SLC25A18: variants seen among roughly 807,000 people sequenced by gnomAD.
The protein encoded by SLC25A18 is solute carrier family 25 member 18, also known as mitochondrial glutamate carrier 2.
Under a neutral mutation model 31.1 loss-of-function variants are expected in SLC25A18, and 24 were observed. That is an observed-to-expected ratio of 0.77 (90% confidence interval 0.56 to 1.08). The LOEUF (loss-of-function observed/expected upper bound fraction) is 1.08. SLC25A18 is among the 50% of genes least tolerant of loss of function. The probability of loss-of-function intolerance (pLI) is 0.00; values close to 1 mark genes in which losing one functional copy is unlikely to be tolerated. For synonymous variants in SLC25A18, 173 were observed against 161.9 expected (o/e 1.07, Z -0.52); for missense variants, 371 against 418.5 (o/e 0.89, Z 0.99).
chr22:17,568,748 A>C (rs1446207738), intron 1 of SLC25A18, among the ~76,000 whole-genome samples: 1 of 150,976 alleles, frequency 6.6e-6, no homozygotes, highest in African/African-American at 2.4e-5. Context: ...TTTTTAGTAG[A>C]AACAGGGTTT....
intron 10 of SLC25A18, 60 bp from the exon 11 acceptor site, chr22:17,590,035 C>CT (rs2057674648): frequency 1.2e-6 from 2 of 1,605,068 alleles, no homozygotes; most frequent in Admixed American, 3.4e-5. Context: ...GAGGCTGCCA[C>CT]TGAGGGCTGC....
chr22:17,584,781 C>CAAAAAAAAAAA lies in SLC25A18; in HGVS notation c.409+1264_409+1274dup. On this transcript the variant is annotated intron_variant, in intron 7 of 10. Transcript: ENST00000327451. ...GGAGGACAAAAGCGAGAATTCATCT[C>CAAAAAAAAAAA]AAAAAAAAAAAAAAAAAAAAAAAAA... Among the ~76,000 whole-genome samples, 85 of 20,042 alleles carry CAAAAAAAAAAA rather than the reference C, an allele frequency of 4.2e-3. 2 individuals are homozygous for CAAAAAAAAAAA. The highest frequency in any genetic ancestry group is 5.6e-3 in the African/African-American group (41 of 7,358). 13.1% of individuals were successfully genotyped at this position (20,042 alleles called of 152,430 possible).
At position 17,583,291 on chromosome 22, in the gene SLC25A18, T is replaced by C. The variant is rs538627288; in HGVS notation, c.291-125T>C. On this transcript the variant is annotated intron_variant, in intron 6 of 10. Coordinates refer to ENST00000327451, the MANE Select transcript of SLC25A18 (RefSeq NM_031481.3). ...CACACCTAAGGGCTAGCTGATGACT[T>C]GACCAGCTGGGTGAGTGGCAGCCAC... is the stretch of plus-strand genomic sequence containing the variant. 11 of 1,216,766 alleles carry C rather than the reference T, an allele frequency of 9.0e-6. No homozygotes were observed. The South Asian group carries it at 9.4e-5, about 10-fold the overall frequency. 75.4% of individuals were successfully genotyped at this position (1,216,766 alleles called of 1,614,324 possible). A position where few individuals can be genotyped will look rare whatever the true frequency, so the allele number is the denominator to read the frequency against.
At chr22:17,574,925 C>G (rs1407429331) in intron 2 of SLC25A18, among the ~76,000 whole-genome samples, 1 of 151,684 alleles carries the variant, frequency 6.6e-6, no homozygotes, top group Non-Finnish European at 1.5e-5. Context: ...GATCTCAACT[C>G]ACTGCAACCT....
At chr22:17,575,812 TCA>T (rs1192995707) in intron 2 of SLC25A18, among the ~76,000 whole-genome samples, 1 of 152,190 alleles carries the variant, frequency 6.6e-6, no homozygotes, top group Non-Finnish European at 1.5e-5. Flanking sequence ...TCAATATGAT[TCA>T]GTTATCACAT....
intron 2 of SLC25A18, among the ~76,000 whole-genome samples, chr22:17,578,443 C>T (rs1368792201): frequency 2.6e-5 from 4 of 152,152 alleles, no homozygotes; most frequent in Non-Finnish European, 5.9e-5. Context: ...AACAAAATAG[C>T]TGGAGACAGC....
chr22:17,580,342 A>G, intron 3 of SLC25A18: 1 of 230,962 alleles, frequency 4.3e-6, no homozygotes, highest in Non-Finnish European at 7.6e-6. Context: ...CTGAAAGATA[A>G]GAAAAGTTGA....
rs983794048 is a variant in SLC25A18, at chr22:17,580,559, C to A, written c.21-478C>A. The A allele has an allele frequency of 8.1e-6, 8 of 990,062 alleles. No homozygotes were observed. The African/African-American group carries it at 1.2e-4, about 15-fold the overall frequency. The allele number at this position is 990,062 out of a possible 1,614,324, so 61.3% of individuals were successfully genotyped here. ...ATGAACAATAGCTGGCATTCCCCCC[C>A]AGGCACGGTTTCCATAGTCCTCAGC... On this transcript the variant is annotated intron_variant, in intron 3 of 10. Coordinates refer to ENST00000327451, the MANE Select transcript of SLC25A18 (RefSeq NM_031481.3).
At chr22:17,564,830 C>G (rs747357543) in intron 1 of SLC25A18, among the ~76,000 whole-genome samples, 7 of 132,606 alleles carry the variant, frequency 5.3e-5, no homozygotes, top group Non-Finnish European at 9.3e-5. Flanking sequence ...GCACTCCAGC[C>G]TGGGGGACAG....
At chr22:17,587,776 C>T (rs1171240014) in intron 8 of SLC25A18, 149 bp from the exon 9 acceptor site, 2 of 923,744 alleles carry the variant, frequency 2.2e-6, no homozygotes, top group South Asian at 1.6e-5. Flanking sequence ...CTGTCCCTCA[C>T]CCACGCTCAC....
intron 9 of SLC25A18, 151 bp downstream of exon 9, chr22:17,588,230 A>G (rs1347436646): frequency 3.8e-6 from 3 of 793,080 alleles, no homozygotes; most frequent in East Asian, 5.5e-5. Context: ...GTGGGTCCCA[A>G]GAGACCTTCC....
intron 2 of SLC25A18, among the ~76,000 whole-genome samples, chr22:17,573,836 C>G (rs1171613413): frequency 6.6e-6 from 1 of 152,174 alleles, no homozygotes; most frequent in African/African-American, 2.4e-5. Flanking sequence ...CTCTCCACTT[C>G]ATTGTTTTAC....
At chr22:17,589,294 C>A (rs2057647991) in intron 9 of SLC25A18, 3 of 292,716 alleles carry the variant, frequency 1.0e-5, no homozygotes, top group South Asian at 6.5e-5. Flanking sequence ...GATTCTCCTG[C>A]CCCAGCCTCA....
intron 9 of SLC25A18, 72 bp from the exon 10 acceptor site, chr22:17,589,518 G>A (rs958928441): frequency 5.1e-6 from 7 of 1,378,472 alleles, no homozygotes; most frequent in South Asian, 1.2e-5. Flanking sequence ...GGAGGGCCCA[G>A]CCCCTTAGTG....
At position 17,590,346 on chromosome 22, in the gene SLC25A18, C is replaced by T. The variant is rs535457168; in HGVS notation, c.*110C>T. ...CCACTCTGGCCTGCCTGGTCCTCTGCGTTGTAGTGCTACCTCAATCTCGGG... is the reference window on the plus strand; with the variant it reads ...CCACTCTGGCCTGCCTGGTCCTCTGTGTTGTAGTGCTACCTCAATCTCGGG... On this transcript the variant is annotated 3_prime_UTR_variant, in exon 11 of 11. Coordinates refer to ENST00000327451, the MANE Select transcript of SLC25A18 (RefSeq NM_031481.3). 3.8e-6 allele frequency: 5 copies of T among 1,303,032 alleles called. No individual in the cohort carries two copies. Among genetic ancestry groups the T allele is most frequent in the African/African-American group, 1.5e-5 (1 of 67,626 alleles). 80.7% of individuals were successfully genotyped at this position (1,303,032 alleles called of 1,614,324 possible).
rs201401546 is a variant in SLC25A18, at chr22:17,580,996, C to T, written c.21-41C>T. The stretch of plus-strand genomic sequence containing the variant: ...TGCATCCGCTCCCTAACCTGCCCCT[C>T]CCTCTGCCTCTCTCCTCCCCCTGTC... On this transcript the variant is annotated intron_variant, in intron 3 of 10. Coordinates refer to ENST00000327451, the MANE Select transcript of SLC25A18 (RefSeq NM_031481.3). 6.2e-5 allele frequency: 94 copies of T among 1,513,976 alleles called. No homozygotes were observed. The East Asian group carries it at 2.3e-3, about 36-fold the overall frequency. The allele number at this position is 1,513,976 out of a possible 1,614,324, so 93.8% of individuals were successfully genotyped here. A position where few individuals can be genotyped will look rare whatever the true frequency, so the allele number is the denominator to read the frequency against.
At chr22:17,587,768 G>A (rs1407456320) in intron 8 of SLC25A18, 157 bp from the exon 9 acceptor site, 3 of 839,968 alleles carry the variant, frequency 3.6e-6, no homozygotes, top group Admixed American at 2.6e-5. Context: ...GTCCCCTGCT[G>A]TCCCTCACCC....
rs1374715655 is a variant in SLC25A18 at position 17,590,235 on chromosome 22, A to G, written c.947A>G (p.Ter316TrpextTer15). 3.7e-6 allele frequency: 6 copies of G among 1,614,076 alleles called. No homozygotes were observed. Among genetic ancestry groups the G allele is most frequent in the Non-Finnish European group, 4.2e-6 (5 of 1,180,046 alleles). ...IGERILKCFD* is the reference protein window; with the variant it reads ...IGERILKCFDW ...GAGCGCATCTTAAAGTGTTTTGACT[A>G]GACAGAGCTGGAGGTCAAGTCCCTG... Residue 316 changes from the stop codon to tryptophan, a stop_lost, in exon 11 of 11, where the codon TAG becomes TGG. Transcript: ENST00000327451.
chr22:17,569,134 G>A (rs2057022599), intron 1 of SLC25A18, among the ~76,000 whole-genome samples: 1 of 149,942 alleles, frequency 6.7e-6, no homozygotes, highest in Non-Finnish European at 1.5e-5. Flanking sequence ...TCCGCATCCC[G>A]AGTAGCTGGG....
Sources: allele counts gnomAD v4.1 joint callset (sites outside exome capture counted in the v4.1 genomes callset), GRCh38; gene constraint gnomAD v4.1.1; transcripts MANE v1.5; gene names NCBI Gene and HGNC (gene_info 2026-07-23, HGNC 2026-07-21).